The following CHIC1 variants were observed in gnomAD, a reference collection of about 807,000 sequenced individuals.
CHIC1 encodes cysteine-rich hydrophobic domain-containing protein 1.
CHIC1 carries 7 observed loss-of-function variants against 18.5 expected under a neutral mutation model. The ratio of observed to expected loss-of-function variants is 0.38; its 90% CI spans 0.22 to 0.71. CHIC1 has a LOEUF of 0.71. CHIC1 is among the 30% of genes least tolerant of loss of function. The pLI is 0.49. For missense variants in CHIC1, 159 were observed against 176.9 expected (o/e 0.90, Z 0.57); for synonymous variants, 77 against 73.5 (o/e 1.05, Z -0.25).
intron 3 of CHIC1, among the ~76,000 whole-genome samples, chrX:73,610,627 T>A (rs1318184861): frequency 9.2e-5 from 10 of 109,195 alleles, no homozygotes; most frequent in Non-Finnish European, 1.9e-4. Flanking sequence ...CTCTTCAATT[T>A]TTTGAATAGT....
chrX:73,675,758 A>G, intron 3 of CHIC1, among the ~76,000 whole-genome samples: 1 of 111,081 alleles, frequency 9.0e-6, no homozygotes, highest in African/African-American at 3.3e-5. Flanking sequence ...TTATGTGTGA[A>G]TTTGATCCTG....
intron 3 of CHIC1, among the ~76,000 whole-genome samples, chrX:73,658,394 C>T (rs190267774): frequency 5.5e-4 from 58 of 104,997 alleles, no homozygotes; most frequent in South Asian, 1.3e-3. Flanking sequence ...GGAAAATATC[C>T]GTTTCTTCTT....
intron 3 of CHIC1, among the ~76,000 whole-genome samples, chrX:73,641,910 G>C (rs1175285066): frequency 1.8e-5 from 2 of 111,697 alleles, no homozygotes; most frequent in African/African-American, 3.3e-5. Context: ...TCTTAATCCA[G>C]TCTATCATTG....
intron 3 of CHIC1, among the ~76,000 whole-genome samples, chrX:73,668,289 G>A (rs1473555705): frequency 9.0e-6 from 1 of 111,452 alleles, no homozygotes. Context: ...TAGCTTCTTG[G>A]CATTGGGTTA....
chrX:73,611,951 T>C (rs1416453159), intron 3 of CHIC1, among the ~76,000 whole-genome samples: 1 of 109,004 alleles, frequency 9.2e-6, no homozygotes, highest in Non-Finnish European at 1.9e-5. Flanking sequence ...TTGCAAAAAT[T>C]TTCTCCCATT....
rs747259732 is a variant in CHIC1 at position 73,563,455 on chromosome X, GGAA to G, written c.177_179del (p.Glu68del). The G allele has an allele frequency of 1.5e-5, 17 of 1,160,836 alleles. No individual in the cohort carries two copies. The African/African-American group carries it at 2.9e-4, about 20-fold the overall frequency. On this transcript the variant is annotated inframe_deletion, in exon 1 of 6. Coordinates refer to ENST00000373502, the MANE Select transcript of CHIC1 (RefSeq NM_001039840.4). ...AGGAAGAGGAGGAAGAGGAGGAGGA[GGAA>G]GAAGAGGAGGAGGAGGAAGAGGAGG...
chrX:73,676,089 G>C (rs1174853657), intron 3 of CHIC1, among the ~76,000 whole-genome samples: 1 of 111,414 alleles, frequency 9.0e-6, no homozygotes, highest in African/African-American at 3.3e-5. Context: ...TAGAGTTTCT[G>C]CCGAGAGATC....
intron 3 of CHIC1, among the ~76,000 whole-genome samples, chrX:73,648,172 CA>C (rs1046883279): frequency 6.3e-5 from 7 of 111,247 alleles, no homozygotes; most frequent in African/African-American, 2.3e-4. Context: ...GTATCAACCA[CA>C]AAAAAAGTAC....
chrX:73,671,437 T>C (rs2058029756), intron 3 of CHIC1, among the ~76,000 whole-genome samples: 1 of 112,157 alleles, frequency 8.9e-6, no homozygotes, highest in Non-Finnish European at 1.9e-5. Flanking sequence ...GTTTGCTTGA[T>C]GGTGTCACAA....
intron 3 of CHIC1, among the ~76,000 whole-genome samples, chrX:73,661,371 C>T (rs933314688): frequency 4.5e-5 from 5 of 111,883 alleles, no homozygotes; most frequent in African/African-American, 1.6e-4. Flanking sequence ...GGGTTAACAC[C>T]TCTTGAAGGA....
chrX:73,679,642 A>G lies in CHIC1; in HGVS notation c.565-12A>G. ...TAATATAAAAATTCTTAACAAGACT[A>G]TACTTTCTTAGCTTGCTTTGCACTG... On this transcript the variant is annotated splice_polypyrimidine_tract_variant and intron_variant, in intron 4 of 5. Transcript: ENST00000373502. 2 of 1,086,236 alleles carry G rather than the reference A, an allele frequency of 1.8e-6. No homozygotes were observed. Among genetic ancestry groups the G allele is most frequent in the South Asian group, 2.3e-5 (1 of 44,128 alleles). The allele number at this position is 1,086,236 out of a possible 1,213,427, so 89.5% of individuals were successfully genotyped here. A position where few individuals can be genotyped will look rare whatever the true frequency, so the allele number is the denominator to read the frequency against.
rs1253845364 is a variant in CHIC1, at chrX:73,674,829, G to A, written c.508-4497G>A. 2.7e-5 allele frequency among the ~76,000 whole-genome samples: 3 copies of A among 110,486 alleles called. No individual in the cohort carries two copies. In the Admixed American group the frequency reaches 2.9e-4, roughly 11 times the overall value. On this transcript the variant is annotated intron_variant, in intron 3 of 5. Transcript: ENST00000373502. ...CTAGTTCTTTTAATTGTGATGTTAGGGTGTCAATTTTGGATCTTTCCTGCT... is the reference window on the plus strand; with the variant it reads ...CTAGTTCTTTTAATTGTGATGTTAGAGTGTCAATTTTGGATCTTTCCTGCT...
intron 3 of CHIC1, among the ~76,000 whole-genome samples, chrX:73,616,016 G>C (rs1038346577): frequency 9.0e-6 from 1 of 110,806 alleles, no homozygotes; most frequent in Non-Finnish European, 1.9e-5. Flanking sequence ...AGTCACAGAG[G>C]TATTGCAGGT....
chrX:73,622,035 A>G (rs1033280183), intron 3 of CHIC1, among the ~76,000 whole-genome samples: 6 of 112,114 alleles, frequency 5.4e-5, no homozygotes, highest in African/African-American at 1.3e-4. Flanking sequence ...CTTGCACCCC[A>G]GGGATGAAAC....
intron 2 of CHIC1, among the ~76,000 whole-genome samples, chrX:73,583,567 A>G (rs1392523268): frequency 1.8e-5 from 2 of 111,607 alleles, no homozygotes; most frequent in African/African-American, 6.5e-5. Context: ...ATGAAAGGGA[A>G]TCATTTTTGT....
intron 3 of CHIC1, among the ~76,000 whole-genome samples, chrX:73,678,897 T>G (rs1253603823): frequency 8.9e-6 from 1 of 111,865 alleles, no homozygotes; most frequent in African/African-American, 3.2e-5. Flanking sequence ...GTAGGAAAAC[T>G]TTCCATGAGA....
chrX:73,625,036 C>T (rs1199137542), intron 3 of CHIC1, among the ~76,000 whole-genome samples: 1 of 111,799 alleles, frequency 8.9e-6, no homozygotes, highest in Non-Finnish European at 1.9e-5. Flanking sequence ...TCTGGGTTCT[C>T]TTTCCCTGAG....
chrX:73,679,858 C>A, intron 5 of CHIC1, 145 bp downstream of exon 5: 1 of 331,730 alleles, frequency 3.0e-6, no homozygotes, highest in Non-Finnish European at 5.3e-6. Flanking sequence ...CTTCTATCTT[C>A]TTTAGATTTG....
intron 3 of CHIC1, among the ~76,000 whole-genome samples, chrX:73,598,801 T>A (rs1249948737): frequency 9.0e-6 from 1 of 110,851 alleles, no homozygotes; most frequent in Non-Finnish European, 1.9e-5. Context: ...TACATGTGCA[T>A]GTGTCTTTAT....
Sources: gnomAD v4.1 joint callset for allele counts (sites outside exome capture counted in the v4.1 genomes callset) on GRCh38, gnomAD v4.1.1 for gene constraint, MANE v1.5 for transcripts, NCBI Gene and HGNC (gene_info 2026-07-23, HGNC 2026-07-21) for gene names.